The following FHIT variants were observed in gnomAD, a reference collection of about 807,000 sequenced individuals.
The protein encoded by FHIT is bis(5'-adenosyl)-triphosphatase.
Under a neutral mutation model 17.9 loss-of-function variants are expected in FHIT, and 19 were observed. The ratio of observed to expected loss-of-function variants is 1.06; its 90% CI spans 0.74 to 1.56. The LOEUF (loss-of-function observed/expected upper bound fraction) is 1.56, where lower values mean the gene tolerates loss of function less well. FHIT is among the 40% of genes most tolerant of loss of function. FHIT has a pLI of 0.00. For synonymous variants in FHIT, 81 were observed against 69.7 expected, an observed-to-expected ratio of 1.16 and a Z score of -0.81; for missense variants, 248 against 189.2, an observed-to-expected ratio of 1.31 and a Z score of -1.82.
intron 8 of FHIT, among the ~76,000 whole-genome samples, chr3:59,908,850 T>TTTTTTTTTTTTTTTGAGACGG (rs1553712872): frequency 6.7e-6 from 1 of 150,092 alleles, no homozygotes; most frequent in Non-Finnish European, 1.5e-5. Flanking sequence ...TTTCATTTTT[T>TTTTTTTTTTTTTTTGAGACGG]AATAGTCCAA....
chr3:60,649,043 CATTTTCAT>C (rs2039930296), intron 4 of FHIT, among the ~76,000 whole-genome samples: 1 of 152,148 alleles, frequency 6.6e-6, no homozygotes, highest in African/African-American at 2.4e-5. Context: ...ATAGAAATTC[CATTTTCAT>C]AAAATTCTCC....
chr3:60,062,328 T>A (rs1702325723), intron 5 of FHIT, among the ~76,000 whole-genome samples: 1 of 152,094 alleles, frequency 6.6e-6, no homozygotes. Context: ...AACACACAGC[T>A]CAGGATTCAA....
chr3:61,250,319 G>A (rs1343555145), intron 1 of FHIT, among the ~76,000 whole-genome samples: 3 of 152,232 alleles, frequency 2.0e-5, no homozygotes, highest in Non-Finnish European at 4.4e-5. Context: ...TGCGAGTAGG[G>A]ACCACCCTTG....
At chr3:60,108,589 T>C (rs1245254556) in intron 5 of FHIT, among the ~76,000 whole-genome samples, 1 of 152,112 alleles carries the variant, frequency 6.6e-6, no homozygotes, top group African/African-American at 2.4e-5. Context: ...AGGGGACTCC[T>C]AGCTCGACAG....
chr3:59,767,180 A>G (rs1193076548), intron 8 of FHIT, among the ~76,000 whole-genome samples: 1 of 152,118 alleles, frequency 6.6e-6, no homozygotes, highest in East Asian at 1.9e-4. Flanking sequence ...GATAAACCAC[A>G]AGGAACAAAT....
At chr3:60,204,611 G>A (rs1375310085) in intron 5 of FHIT, among the ~76,000 whole-genome samples, 1 of 151,762 alleles carries the variant, frequency 6.6e-6, no homozygotes, top group African/African-American at 2.4e-5. Flanking sequence ...TTTTTAAGGT[G>A]GGACAATATA....
At chr3:60,453,723 A>C (rs1290661732) in intron 5 of FHIT, among the ~76,000 whole-genome samples, 5 of 152,330 alleles carry the variant, frequency 3.3e-5, no homozygotes, top group African/African-American at 1.2e-4. Flanking sequence ...TTCAAATGAG[A>C]TGACGATGCA....
At chr3:61,150,493 G>A (rs949608037) in intron 2 of FHIT, among the ~76,000 whole-genome samples, 4 of 151,908 alleles carry the variant, frequency 2.6e-5, no homozygotes, top group African/African-American at 4.8e-5. Flanking sequence ...TTTTCTGAGG[G>A]GCAACAAGGC....
chr3:60,363,763 GC>G (rs908731847), intron 5 of FHIT, among the ~76,000 whole-genome samples: 8 of 152,052 alleles, frequency 5.3e-5, no homozygotes, highest in South Asian at 2.1e-4. Flanking sequence ...GGCCCCCCTG[GC>G]CCCCCTGGCT....
chr3:59,779,959 C>G (rs907869143), intron 8 of FHIT, among the ~76,000 whole-genome samples: 4 of 152,206 alleles, frequency 2.6e-5, no homozygotes, highest in Admixed American at 2.0e-4. Context: ...GTAAAATGGA[C>G]TTTCCTGAAA....
chr3:60,853,600 G>T (rs991000805), intron 3 of FHIT, among the ~76,000 whole-genome samples: 2 of 151,966 alleles, frequency 1.3e-5, no homozygotes, highest in Non-Finnish European at 2.9e-5. Context: ...ATAAATTCAG[G>T]GGGAAGCAAA....
At chr3:60,245,830 G>T (rs919979417) in intron 5 of FHIT, among the ~76,000 whole-genome samples, 4 of 151,874 alleles carry the variant, frequency 2.6e-5, no homozygotes, top group African/African-American at 9.7e-5. Flanking sequence ...AGCATACAGT[G>T]AACAATTATC....
At chr3:60,340,395 G>A (rs1351552332) in intron 5 of FHIT, among the ~76,000 whole-genome samples, 1 of 152,138 alleles carries the variant, frequency 6.6e-6, no homozygotes, top group Non-Finnish European at 1.5e-5. Context: ...CATTGCCTCT[G>A]ATCACTGTTC....
At chr3:60,120,547 C>G (rs1025965161) in intron 5 of FHIT, among the ~76,000 whole-genome samples, 2 of 152,106 alleles carry the variant, frequency 1.3e-5, no homozygotes, top group African/African-American at 4.8e-5. Flanking sequence ...ATTAAGAGTA[C>G]GACAGCAGCG....
rs370197466 is a variant in FHIT at position 60,211,778 on chromosome 3, A to C, written c.104-197626T>G. 2.6e-5 allele frequency among the ~76,000 whole-genome samples: 4 copies of C among 152,244 alleles called. No individual in the cohort carries two copies. In the East Asian group the frequency reaches 5.8e-4, roughly 22 times the overall value. ...ATAAGGATGTGAGATCAATGGGGTA[A>C]GGCATTCTGACTGGGGAAAACCACT... On this transcript the variant is annotated intron_variant, in intron 5 of 9. Transcript: ENST00000492590.
intron 5 of FHIT, among the ~76,000 whole-genome samples, chr3:60,219,468 G>T (rs1319886992): frequency 2.6e-5 from 4 of 152,088 alleles, no homozygotes; most frequent in African/African-American, 9.7e-5. Context: ...TTCTCAAAAT[G>T]AATTGAGTTA....
chr3:59,781,349 TG>T (rs1702574323), intron 8 of FHIT, among the ~76,000 whole-genome samples: 1 of 152,242 alleles, frequency 6.6e-6, no homozygotes, highest in African/African-American at 2.4e-5. Context: ...CAAAGTGCAC[TG>T]TGAGGTGAGT....
At chr3:60,458,419 C>T (rs1481022791) in intron 5 of FHIT, among the ~76,000 whole-genome samples, 1 of 145,752 alleles carries the variant, frequency 6.9e-6, no homozygotes, top group African/African-American at 2.6e-5. Flanking sequence ...CATCACACAC[C>T]ACACACAGGG....
intron 3 of FHIT, among the ~76,000 whole-genome samples, chr3:60,929,498 G>A (rs201470127): frequency 9.2e-5 from 14 of 152,178 alleles, no homozygotes; most frequent in South Asian, 6.2e-4. Flanking sequence ...TAAGCTGATA[G>A]GCAACTTCAG....
Sources: allele counts gnomAD v4.1 joint callset (sites outside exome capture counted in the v4.1 genomes callset), GRCh38; gene constraint gnomAD v4.1.1; transcripts MANE v1.5; gene names NCBI Gene and HGNC (gene_info 2026-07-23, HGNC 2026-07-21).